SMIM36: variants seen among roughly 807,000 people sequenced by gnomAD.
SMIM36 encodes small integral membrane protein 36.
chr17:55,500,736 C>A (rs1245001507), intron 1 of SMIM36, among the ~76,000 whole-genome samples: 4 of 49,132 alleles, frequency 8.1e-5, no homozygotes, highest in African/African-American at 2.3e-4. Context: ...AAAGAACATT[C>A]ATTTAAAAGT....
intron 4 of SMIM36, among the ~76,000 whole-genome samples, chr17:55,450,910 G>A (rs1457462294): frequency 6.6e-6 from 1 of 151,644 alleles, no homozygotes; most frequent in South Asian, 2.1e-4. Flanking sequence ...TTTTTGAGAC[G>A]GAGTCTCGCT....
At chr17:55,511,955 C>T (rs753299617), upstream of SMIM36, among the ~76,000 whole-genome samples, 1 of 152,152 alleles carries the variant, frequency 6.6e-6, no homozygotes, top group African/African-American at 2.4e-5. Context: ...AGACACTACA[C>T]TAAGCAAAGG....
chr17:55,478,377 G>A (rs1051144372), intron 3 of SMIM36, among the ~76,000 whole-genome samples: 3 of 151,930 alleles, frequency 2.0e-5, no homozygotes, highest in African/African-American at 7.3e-5. Flanking sequence ...GGGACTACAG[G>A]TGCCACAATA....
the SMIM36 span, among the ~76,000 whole-genome samples, chr17:55,531,288 T>A: frequency 6.6e-6 from 1 of 152,308 alleles, no homozygotes; most frequent in East Asian, 1.9e-4. Flanking sequence ...CTTGCCCTCC[T>A]TTTGGCTTGG....
chr17:55,499,667 C>A (rs1268891853), intron 1 of SMIM36, among the ~76,000 whole-genome samples: 1 of 152,068 alleles, frequency 6.6e-6, no homozygotes, highest in Non-Finnish European at 1.5e-5. Flanking sequence ...TGCTTTAATA[C>A]AAATGTGCAT....
intron 1 of SMIM36, among the ~76,000 whole-genome samples, chr17:55,490,073 G>A (rs934762998): frequency 6.6e-6 from 1 of 151,610 alleles, no homozygotes. Context: ...GCCAGGATGG[G>A]CTTGATCTCC....
At chr17:55,464,912 G>C (rs971629264) in intron 4 of SMIM36, among the ~76,000 whole-genome samples, 12 of 152,068 alleles carry the variant, frequency 7.9e-5, no homozygotes, top group African/African-American at 2.9e-4. Context: ...ATAGTTCTTG[G>C]ATTTGCAAAC....
At chr17:55,465,729 A>G (rs1909225012) in intron 4 of SMIM36, among the ~76,000 whole-genome samples, 1 of 152,034 alleles carries the variant, frequency 6.6e-6, no homozygotes, top group African/African-American at 2.4e-5. Flanking sequence ...GTGTCTTAGA[A>G]TGGTATAGAG....
chr17:55,460,765 G>C (rs1187584434), intron 4 of SMIM36, among the ~76,000 whole-genome samples: 1 of 152,164 alleles, frequency 6.6e-6, no homozygotes, highest in Non-Finnish European at 1.5e-5. Context: ...GGCTGAGGCA[G>C]GAGAATGGCG....
At chr17:55,466,277 C>CAAAAAAA (rs796506078) in intron 4 of SMIM36, among the ~76,000 whole-genome samples, 29 of 46,828 alleles carry the variant, frequency 6.2e-4, no homozygotes, top group African/African-American at 9.0e-4. Flanking sequence ...GACTCCGTCT[C>CAAAAAAA]AAAAAAAAAA....
chr17:55,455,944 C>G (rs372528592), intron 4 of SMIM36, among the ~76,000 whole-genome samples: 2 of 151,488 alleles, frequency 1.3e-5, no homozygotes, highest in East Asian at 1.9e-4. Flanking sequence ...ACGGTGAAAC[C>G]CTGTTTCTAC....
In SMIM36 at chr17:55,479,203, A is replaced by G. The variant is rs76133320; in HGVS notation, c.*295+257T>C. On this transcript the variant is annotated intron_variant, in intron 2 of 4. Coordinates refer to ENST00000636752, the Ensembl canonical transcript of SMIM36. ...TTCAGTATTGCTACAATGACCTCAA[A>G]GTATAGGAATGGAATGTATCCTCCA... Among the ~76,000 whole-genome samples, 1,313 of 152,324 alleles carry G rather than the reference A, an allele frequency of 8.6e-3. 20 individuals are homozygous for G. The highest frequency in any genetic ancestry group is 0.03 in the African/African-American group (1,242 of 41,564).
chr17:55,529,581 C>T, the SMIM36 span, among the ~76,000 whole-genome samples: 1 of 151,820 alleles, frequency 6.6e-6, no homozygotes, highest in Non-Finnish European at 1.5e-5. Context: ...TCCTGGCTAA[C>T]ACAGTGAAAC....
In SMIM36 at chr17:55,510,178, G is replaced by A. The variant is rs145700663; in HGVS notation, c.*174+701C>T. ...ACACAGCTAGCAAGTAGAAGAGGCA[G>A]GATTTGAACCCAGGCTCCAAGCTTT... On this transcript the variant is annotated intron_variant, in intron 1 of 4. Transcript: ENST00000636752. Among the ~76,000 whole-genome samples the A allele has an allele frequency of 4.0e-3, 613 of 151,786 alleles. 3 individuals carry two copies. Among genetic ancestry groups the A allele is most frequent in the African/African-American group, 0.014 (586 of 41,438 alleles).
chr17:55,513,181 G>A (rs1378707414), upstream of SMIM36, among the ~76,000 whole-genome samples: 1 of 152,090 alleles, frequency 6.6e-6, no homozygotes, highest in African/African-American at 2.4e-5. Flanking sequence ...CTAGAGTCTG[G>A]GGATCTGTAT....
At chr17:55,501,034 T>TA (rs1310675352) in intron 1 of SMIM36, among the ~76,000 whole-genome samples, 2 of 2,088 alleles carry the variant, frequency 9.6e-4, no homozygotes, top group African/African-American at 4.4e-3. Flanking sequence ...ATATAATATA[T>TA]TATTATATAT....
chr17:55,460,673 C>T (rs1207904710), intron 4 of SMIM36, among the ~76,000 whole-genome samples: 2 of 151,910 alleles, frequency 1.3e-5, no homozygotes, highest in African/African-American at 2.4e-5. Context: ...CTGGCTAAAA[C>T]GGTGAAACCC....
intron 4 of SMIM36, among the ~76,000 whole-genome samples, chr17:55,463,837 G>A (rs891838425): frequency 2.6e-5 from 4 of 151,920 alleles, no homozygotes; most frequent in East Asian, 1.9e-4. Flanking sequence ...AAGAAAAGAG[G>A]ATGTTGAAGG....
intron 1 of SMIM36, among the ~76,000 whole-genome samples, chr17:55,509,016 A>C (rs1232268510): frequency 6.6e-6 from 1 of 152,158 alleles, no homozygotes; most frequent in Non-Finnish European, 1.5e-5. Context: ...TATAGTTTTT[A>C]AATCACATAC....
Sources: gnomAD v4.1 joint callset for allele counts (sites outside exome capture counted in the v4.1 genomes callset) on GRCh38, gnomAD v4.1.1 for gene constraint, MANE v1.5 for transcripts, NCBI Gene and HGNC (gene_info 2026-07-23, HGNC 2026-07-21) for gene names.